RSPH10B2: variants seen among roughly 807,000 people sequenced by gnomAD.
RSPH10B2 encodes radial spoke head 10 homolog B2.
A neutral mutation model predicts 49.0 loss-of-function variants in RSPH10B2; 9 were observed. That is an observed-to-expected ratio of 0.18 (90% CI 0.11 to 0.32). RSPH10B2 has a LOEUF of 0.32. Ranked by LOEUF, RSPH10B2 falls within the 10% of genes least tolerant of loss-of-function variation. RSPH10B2 has a pLI of 1.00. For missense variants in RSPH10B2, 95 were observed against 589.9 expected (o/e 0.16, Z 8.69); for synonymous variants, 35 against 210.2 (o/e 0.17, Z 7.21).
rs1372109217 is a variant in RSPH10B2, at chr7:6,793,087, T to TA, written c.2233+1093dup. 1.8e-4 allele frequency among the ~76,000 whole-genome samples: 19 copies of TA among 102,944 alleles called. 4 individuals are homozygous for TA. Among genetic ancestry groups the TA allele is most frequent in the Admixed American group, 3.3e-4 (3 of 9,010 alleles). The allele number at this position is 102,944 out of a possible 152,430, so 67.5% of individuals were successfully genotyped here. A position where few individuals can be genotyped will look rare whatever the true frequency, so the allele number is the denominator to read the frequency against. ...CATTTTTTTTTTTTTTTTTTTTTTT[T>TA]AAAGAGGTGGGTTCTTGCTCTGTTG... On this transcript the variant is annotated intron_variant, in intron 17 of 18. Transcript: ENST00000297186.
intron 10 of RSPH10B2, among the ~76,000 whole-genome samples, chr7:6,776,904 C>CAG (rs1781764169): frequency 7.1e-6 from 1 of 141,406 alleles, no homozygotes; most frequent in African/African-American, 2.6e-5. Context: ...CACACACACA[C>CAG]ACACACACAC....
intron 17 of RSPH10B2, chr7:6,794,008 A>G (rs1347517360): frequency 6.7e-6 from 1 of 149,454 alleles, no homozygotes; most frequent in African/African-American, 2.5e-5. Flanking sequence ...CTTTGCTGCT[A>G]GGCATCTTGG....
chr7:6,786,803 A>AAC (rs1782202710), intron 14 of RSPH10B2, 75 bp from the exon 17 acceptor site: 1 of 583,050 alleles, frequency 1.7e-6, no homozygotes. Context: ...GGAAATAATG[A>AAC]ACACCAGTCA....
chr7:6,756,217 C>T (rs1781081730), upstream of RSPH10B2, among the ~76,000 whole-genome samples: 1 of 140,226 alleles, frequency 7.1e-6, no homozygotes, highest in African/African-American at 2.8e-5. Flanking sequence ...TTGCAGTGAG[C>T]CAAGATCGCA....
upstream of RSPH10B2, among the ~76,000 whole-genome samples, chr7:6,756,239 C>T (rs1237147712): frequency 1.4e-5 from 2 of 140,656 alleles, no homozygotes; most frequent in Admixed American, 7.0e-5. Flanking sequence ...CACCGCACTC[C>T]AGCCTGGGCA....
chr7:6,764,414 G>A (rs1301371641), intron 4 of RSPH10B2, among the ~76,000 whole-genome samples: 6 of 150,852 alleles, frequency 4.0e-5, no homozygotes, highest in Non-Finnish European at 8.9e-5. Context: ...AGGCGGGAGT[G>A]CAATGGTGCC....
chr7:6,760,902 A>C, intron 3 of RSPH10B2, among the ~76,000 whole-genome samples: 1 of 41,374 alleles, frequency 2.4e-5, no homozygotes, highest in Non-Finnish European at 4.3e-5. Context: ...TTGTAGAGAC[A>C]GGGTTTGCCA....
chr7:6,781,239 A>G, intron 12 of RSPH10B2, 89 bp from the exon 15 acceptor site: 1 of 1,245,296 alleles, frequency 8.0e-7, no homozygotes, highest in Non-Finnish European at 1.1e-6. Context: ...CTGTCTCGGA[A>G]AAAAACAAAA....
intron 12 of RSPH10B2, 133 bp downstream of exon 14, chr7:6,781,021 G>C: frequency 9.1e-7 from 1 of 1,102,910 alleles, no homozygotes; most frequent in Non-Finnish European, 1.2e-6. Context: ...GATCACCTGA[G>C]GTCAAGGAGT....
chr7:6,791,518 CA>C (rs1291162666), intron 16 of RSPH10B2, among the ~76,000 whole-genome samples: 8 of 144,184 alleles, frequency 5.5e-5, no homozygotes, highest in African/African-American at 2.0e-4. Context: ...CCAAGGCAGG[CA>C]GGTCACCTGA....
chr7:6,796,041 T>C (rs141498685), intron 17 of RSPH10B2, among the ~76,000 whole-genome samples: 50,118 of 137,820 alleles, frequency 0.36, 10,949 homozygotes, highest in African/African-American at 0.57. Flanking sequence ...AAGAGGTGGC[T>C]GGGCACAGTG....
intron 17 of RSPH10B2, chr7:6,794,511 GT>G (rs1449242625): frequency 7.8e-6 from 1 of 127,504 alleles, no homozygotes; most frequent in Non-Finnish European, 1.6e-5. Flanking sequence ...CATTCCTGCG[GT>G]GCCGTAATCA....
chr7:6,794,213 A>T (rs1399356521), intron 17 of RSPH10B2: 1 of 157,804 alleles, frequency 6.3e-6, no homozygotes, highest in Non-Finnish European at 1.4e-5. Context: ...CTTCTCCAGG[A>T]CCTCTCCTGT....
upstream of RSPH10B2, among the ~76,000 whole-genome samples, chr7:6,752,111 C>T (rs1583485830): frequency 2.0e-5 from 3 of 151,628 alleles, no homozygotes; most frequent in South Asian, 4.2e-4. Flanking sequence ...TAGTGATTCT[C>T]AGCCCTGATT....
At position 6,796,792 on chromosome 7, in the gene RSPH10B2, T is replaced by G. The variant is rs371286737; in HGVS notation, c.2432+26T>G. On this transcript the variant is annotated intron_variant, in intron 18 of 18. Transcript: ENST00000297186. ...GTAACTTACGAGGTCCCTCCTCTCC[T>G]TCCCCAGCTGCTCGCTCTCTTCCTG... is the stretch of plus-strand genomic sequence containing the variant. 1.4e-4 allele frequency: 170 copies of G among 1,195,388 alleles called. 18 individuals are homozygous for G. The highest frequency in any genetic ancestry group is 2.8e-4 in the Admixed American group (10 of 35,174). 74.0% of individuals were successfully genotyped at this position (1,195,388 alleles called of 1,614,324 possible).
intron 13 of RSPH10B2, among the ~76,000 whole-genome samples, chr7:6,784,662 C>G (rs1046935050): frequency 2.5e-5 from 3 of 122,276 alleles, no homozygotes; most frequent in Admixed American, 8.9e-5. Flanking sequence ...GCCTCCTGGG[C>G]TCAAGTGATT....
In RSPH10B2 at chr7:6,764,708, TTGTGTG is replaced by T. The variant is rs372144067; in HGVS notation, c.573+633_573+638del. 5.3e-3 allele frequency among the ~76,000 whole-genome samples: 778 copies of T among 147,556 alleles called. 2 individuals are homozygous for T. Among genetic ancestry groups the T allele is most frequent in the African/African-American group, 0.016 (641 of 40,072 alleles). ...TATTTATTGAGTTGTGTTGTTGTTG[TTGTGTG>T]TGTGTGTGTGTGTGTGTGTGTGTGT... On this transcript the variant is annotated intron_variant, in intron 4 of 18. Transcript: ENST00000297186.
upstream of RSPH10B2, among the ~76,000 whole-genome samples, chr7:6,755,983 C>T (rs1458368050): frequency 1.9e-4 from 27 of 144,456 alleles, no homozygotes; most frequent in South Asian, 1.1e-3. Flanking sequence ...AGAACTGGGC[C>T]GGGCACCCAC....
intron 18 of RSPH10B2, among the ~76,000 whole-genome samples, chr7:6,797,177 T>C: frequency 7.0e-6 from 1 of 142,756 alleles, no homozygotes; most frequent in Non-Finnish European, 1.5e-5. Context: ...CCTGGCTAAT[T>C]TTTGTATTTT....
Sources: gnomAD v4.1 joint callset for allele counts (sites outside exome capture counted in the v4.1 genomes callset) on GRCh38, gnomAD v4.1.1 for gene constraint, MANE v1.5 for transcripts, NCBI Gene and HGNC (gene_info 2026-07-23, HGNC 2026-07-21) for gene names.